The following ADAMTS7 variants were observed in gnomAD, a reference collection of about 807,000 sequenced individuals.
ADAMTS7 encodes the protein A disintegrin and metalloproteinase with thrombospondin motifs 7.
Under a neutral mutation model 172.6 loss-of-function variants are expected in ADAMTS7, and 89 were observed. The ratio of observed to expected loss-of-function variants is 0.52; its 90% CI spans 0.43 to 0.61. The LOEUF (loss-of-function observed/expected upper bound fraction) is 0.61. Among genes scored for constraint, ADAMTS7 ranks in the 20% least tolerant of loss-of-function variants. ADAMTS7 has a pLI of 0.00. For missense variants in ADAMTS7, 1,973 were observed against 2,355.6 expected (o/e 0.84, Z 3.36); for synonymous variants, 885 against 978.4 (o/e 0.90, Z 1.78).
chr15:78,787,816 A>C (rs939037852), intron 8 of ADAMTS7, among the ~76,000 whole-genome samples: 3 of 151,714 alleles, frequency 2.0e-5, no homozygotes, highest in Non-Finnish European at 4.4e-5. Context: ...CTCCAGCTTC[A>C]TTTCCTACGC....
chr15:78,768,695 G>T (rs973418921), intron 16 of ADAMTS7, among the ~76,000 whole-genome samples: 2 of 152,224 alleles, frequency 1.3e-5, no homozygotes, highest in African/African-American at 2.4e-5. Context: ...CATCCTAAGA[G>T]CTCGATCCAT....
intron 19 of ADAMTS7, 139 bp downstream of exon 19, chr15:78,765,506 T>A (rs1257535364): frequency 7.2e-6 from 10 of 1,392,666 alleles, no homozygotes; most frequent in Non-Finnish European, 9.7e-6. Context: ...GGTCCCCTCA[T>A]CCCCCTAATC....
rs1467729954 is a variant in ADAMTS7, at chr15:78,768,234, G to A, written c.2544C>T (p.Cys848=). ...GRGVQRQNVY[C]LERQAGPVDE... Reference sequence around the variant, plus strand: ...CCACGGGCCCTGCCTGCCGCTCCAAGCAGTACACATTCTGCCTCTGCACAC... The same window carrying A: ...CCACGGGCCCTGCCTGCCGCTCCAAACAGTACACATTCTGCCTCTGCACAC... Residue 848 remains cysteine, a synonymous_variant, in exon 17 of 24, where the codon TGC becomes TGT. Coordinates refer to ENST00000388820, the MANE Select transcript of ADAMTS7 (RefSeq NM_014272.5). 1 of 1,610,850 alleles carries A rather than the reference G, an allele frequency of 6.2e-7. No homozygotes were observed. Among genetic ancestry groups the A allele is most frequent in the Non-Finnish European group, 8.5e-7 (1 of 1,179,662 alleles).
At chr15:78,773,650 G>T (rs536456388) in intron 13 of ADAMTS7, among the ~76,000 whole-genome samples, 54 of 152,154 alleles carry the variant, frequency 3.5e-4, no homozygotes, top group African/African-American at 1.3e-3. Context: ...CAAGTAGGTC[G>T]CTGGGGACAT....
chr15:78,774,114 A>G, intron 13 of ADAMTS7, 53 bp downstream of exon 13: 2 of 1,581,222 alleles, frequency 1.3e-6, no homozygotes, highest in Non-Finnish European at 1.7e-6. Flanking sequence ...GGGGCCTGCC[A>G]GTGGGGCTGG....
intron 6 of ADAMTS7, 75 bp from the exon 7 acceptor site, chr15:78,789,913 G>C: frequency 3.3e-6 from 5 of 1,507,086 alleles, no homozygotes; most frequent in South Asian, 2.5e-5. Flanking sequence ...GCCAGGGAAG[G>C]GTCCCCCCGA....
chr15:78,771,681 G>A lies in ADAMTS7; in HGVS notation c.2280C>T (p.Asp760=), dbSNP rs753781205. 6.2e-7 allele frequency: 1 copy of A among 1,604,300 alleles called. No individual in the cohort carries two copies. Among genetic ancestry groups the A allele is most frequent in the Non-Finnish European group, 8.5e-7 (1 of 1,179,918 alleles). ...NGGWTIQWNG[D]YQVAGTTFTY... ...TGAAGGTGGTCCCTGCCACCTGGTA[G>A]TCCCCGTTCCACTGGATGGTCCAGC... The change falls in exon 15 of 24, where the codon GAC becomes GAT. Residue 760 remains aspartate (D), a synonymous_variant. Coordinates refer to ENST00000388820, the MANE Select transcript of ADAMTS7 (RefSeq NM_014272.5). The surrounding 1 kb of genome is among the most constrained non-coding windows in gnomAD (Gnocchi z 4.9).
chr15:78,774,377 A>G, intron 12 of ADAMTS7, 77 bp from the exon 13 acceptor site: 1 of 1,474,082 alleles, frequency 6.8e-7, no homozygotes. Context: ...CCCCTCCGTG[A>G]CACACATCCA....
Position 78,790,743 on chromosome 15 carries a change from T to A in ADAMTS7, c.955A>T (p.Lys319Ter). 1 of 1,614,002 alleles carries A rather than the reference T, an allele frequency of 6.2e-7. No homozygotes were observed. ...HADNTLKSFC[K>*]WQKSINMKGD... ...TTCATGTTGATGCTTTTCTGCCACTTGCAGAAGCTCTTCAGGGTGTTGTCT... is the reference window on the plus strand; with the variant it reads ...TTCATGTTGATGCTTTTCTGCCACTAGCAGAAGCTCTTCAGGGTGTTGTCT... Residue 319 changes from lysine (K) to a stop codon, truncating the protein, a stop_gained, in exon 6 of 24, where the codon AAG becomes TAG. Coordinates refer to ENST00000388820, the MANE Select transcript of ADAMTS7 (RefSeq NM_014272.5). LOFTEE classifies it high-confidence loss of function.
intron 8 of ADAMTS7, among the ~76,000 whole-genome samples, chr15:78,782,319 C>G (rs1043870185): frequency 1.3e-5 from 2 of 152,010 alleles, no homozygotes; most frequent in Admixed American, 1.3e-4. Flanking sequence ...GTGTGAGCCA[C>G]CGTGCCTGGC....
At position 78,765,971 on chromosome 15, in the gene ADAMTS7, T is replaced by C. The variant is rs758327002; in HGVS notation, c.3940A>G (p.Thr1314Ala). Residue 1314 changes from threonine (T) to alanine (A), a missense_variant, in exon 19 of 24, where the codon ACT (threonine) becomes GCT (alanine). By Grantham distance (58) the Thr-to-Ala change is moderately conservative. Around this residue, in one of 8 missense-constraint regions of ADAMTS7, gnomAD observed 771 missense variants for 952.6 expected, o/e 0.81. Transcript: ENST00000388820. ...KVRDSSLEPG[T>A]PSFPTPGPGS... ...GGTCCTGGGGTTGGGAAGGAGGGAG[T>C]CCCCGGCTCCAGGGAACTGTCCCTG... The C allele has an allele frequency of 4.7e-5, 75 of 1,592,954 alleles. No homozygotes were observed. The highest frequency in any genetic ancestry group is 6.1e-5 in the Non-Finnish European group (72 of 1,175,402).
chr15:78,780,805 G>A (rs2055418414), intron 8 of ADAMTS7, among the ~76,000 whole-genome samples: 2 of 152,232 alleles, frequency 1.3e-5, no homozygotes, highest in African/African-American at 4.8e-5. Context: ...CCTTTAGAAG[G>A]CAGGCTCCTT....
At chr15:78,800,605 G>A (rs1183520753) in intron 1 of ADAMTS7, 58 bp from the exon 2 acceptor site, 1 of 1,519,242 alleles carries the variant, frequency 6.6e-7, no homozygotes, top group African/African-American at 1.4e-5. Context: ...CCTTGCTGGT[G>A]GCCGGGGACC....
In ADAMTS7 at chr15:78,805,037, C is replaced by T. The variant is rs376827427; in HGVS notation, c.101-4490G>A. Among the ~76,000 whole-genome samples, 238 of 152,348 alleles carry T rather than the reference C, an allele frequency of 1.6e-3. 1 individual carries two copies. Among genetic ancestry groups the T allele is most frequent in the African/African-American group, 3.6e-3 (150 of 41,584 alleles). ...TCTGAAAAACTGCAGATGCCCAGGA[C>T]CCAGCCCAGAGATTCTGGTTGCACA... is the stretch of plus-strand genomic sequence containing the variant. On this transcript the variant is annotated intron_variant, in intron 1 of 23. Coordinates refer to ENST00000388820, the MANE Select transcript of ADAMTS7 (RefSeq NM_014272.5).
intron 11 of ADAMTS7, among the ~76,000 whole-genome samples, chr15:78,775,106 T>C (rs4887100): frequency 0.27 from 41,192 of 152,000 alleles, 7,082 homozygotes; most frequent in Middle Eastern, 0.4. Context: ...TTGGGGCTGC[T>C]TCTGCAGAGG....
Position 78,800,506 on chromosome 15 carries a change from G to C in ADAMTS7, c.142C>G (p.Pro48Ala). ...GAGCCCCCCGCGTCGACTCGAACCGGGTGCACGATGTCCAGTGCCGCCCGG... is the reference window on the plus strand; with the variant it reads ...GAGCCCCCCGCGTCGACTCGAACCGCGTGCACGATGTCCAGTGCCGCCCGG... ...EGRAALDIVH[P>A]VRVDAGGSFL... The change falls in exon 2 of 24, where the codon CCG becomes GCG. Residue 48 changes from proline to alanine, a missense_variant. Physicochemically the swap from Pro to Ala is conservative, Grantham distance 27 (BLOSUM62 -1). Transcript: ENST00000388820. The C allele has an allele frequency of 1.2e-6, 2 of 1,607,336 alleles. No homozygotes were observed. Among genetic ancestry groups the C allele is most frequent in the Non-Finnish European group, 1.7e-6 (2 of 1,177,552 alleles).
chr15:78,793,969 A>G (rs2055612646), intron 4 of ADAMTS7, among the ~76,000 whole-genome samples: 1 of 152,140 alleles, frequency 6.6e-6, no homozygotes, highest in African/African-American at 2.4e-5. Context: ...TCAACTTGAA[A>G]ATGGGGGTGA....
At chr15:78,782,692 A>G (rs1051790175) in intron 8 of ADAMTS7, among the ~76,000 whole-genome samples, 3 of 152,104 alleles carry the variant, frequency 2.0e-5, no homozygotes, top group East Asian at 1.9e-4. Flanking sequence ...CTGAGAGCCA[A>G]CTGCCTGCAG....
At chr15:78,772,677 T>A (rs1434193893) in intron 14 of ADAMTS7, among the ~76,000 whole-genome samples, 1 of 152,246 alleles carries the variant, frequency 6.6e-6, no homozygotes, top group African/African-American at 2.4e-5. Context: ...AAAGGTTCTG[T>A]CCCCCTCCAG....
Sources: allele counts gnomAD v4.1 joint callset (sites outside exome capture counted in the v4.1 genomes callset), GRCh38; gene constraint gnomAD v4.1.1; regional missense constraint gnomAD v4.1.1; non-coding constraint Gnocchi (gnomAD v3.1); transcripts MANE v1.5; gene names NCBI Gene and HGNC (gene_info 2026-07-23, HGNC 2026-07-21).